Variants in WDR49 observed in about 807,000 individuals in gnomAD.
The protein encoded by WDR49 is cilia- and flagella-associated protein 337.
A neutral mutation model predicts 119.5 loss-of-function variants in WDR49; 107 were observed. The ratio of observed to expected loss-of-function variants is 0.90; its 90% CI spans 0.77 to 1.05. The LOEUF is 1.05. Among genes scored for constraint, WDR49 ranks in the 50% least tolerant of loss-of-function variants. The pLI, the probability that WDR49 is intolerant of heterozygous loss-of-function variation, is 0.00. For synonymous variants in WDR49, 425 were observed against 418.8 expected, an observed-to-expected ratio of 1.01 and a Z score of -0.18; for missense variants, 1,240 against 1,220.5, an observed-to-expected ratio of 1.02 and a Z score of -0.24.
At chr3:167,655,658 G>C (rs1182294221), upstream of WDR49, among the ~76,000 whole-genome samples, 1 of 152,154 alleles carries the variant, frequency 6.6e-6, no homozygotes, top group East Asian at 1.9e-4. Context: ...CATATTTTGG[G>C]AAGCCAAGAC....
chr3:167,545,907 A>C (rs1279361088), intron 10 of WDR49, among the ~76,000 whole-genome samples: 2 of 144,512 alleles, frequency 1.4e-5, no homozygotes, highest in Admixed American at 6.9e-5. Context: ...ATATTAATAT[A>C]TTATTTTAAT....
intron 2 of WDR49, among the ~76,000 whole-genome samples, chr3:167,644,244 A>G (rs893344408): frequency 6.6e-6 from 1 of 152,084 alleles, no homozygotes; most frequent in South Asian, 2.1e-4. Flanking sequence ...ATTACTAGAC[A>G]TACATTTAGA....
intron 10 of WDR49, among the ~76,000 whole-genome samples, chr3:167,549,561 T>C (rs1237375465): frequency 6.6e-6 from 1 of 152,186 alleles, no homozygotes; most frequent in Admixed American, 6.6e-5. Context: ...TCTTGTAAAT[T>C]TGTTTAAGTT....
chr3:167,529,102 A>G lies in WDR49; in HGVS notation c.2356T>C (p.Tyr786His), dbSNP rs368978307. ...CCATCAAGATCTCCTGTGGTAAGGT[A>G]TCGATTCATCTTATCAGTAGACATA... ...IIMSTDKMNR[Y>H]LTTGDLDGWL... is the part of the protein sequence containing the mutation. The change falls in exon 14 of 19, where the codon TAC (tyrosine) becomes CAC (histidine). Residue 786 changes from tyrosine to histidine, a missense_variant. Coordinates refer to ENST00000682715, the MANE Select transcript of WDR49 (RefSeq NM_001366157.1). 3.7e-6 allele frequency: 6 copies of G among 1,606,936 alleles called. No individual in the cohort carries two copies. Among genetic ancestry groups the G allele is most frequent in the Non-Finnish European group, 5.1e-6 (6 of 1,177,912 alleles).
upstream of WDR49, among the ~76,000 whole-genome samples, chr3:167,655,931 A>C (rs1209691392): frequency 6.6e-6 from 1 of 151,956 alleles, no homozygotes; most frequent in East Asian, 1.9e-4. Context: ...CTCTCTATAT[A>C]TATATATGCC....
chr3:167,648,500 C>T (rs769144832), intron 2 of WDR49, among the ~76,000 whole-genome samples: 3 of 152,118 alleles, frequency 2.0e-5, no homozygotes, highest in Non-Finnish European at 4.4e-5. Context: ...TAAGACAGAA[C>T]ACAAAATACA....
In WDR49 at chr3:167,554,682, C is replaced by A. The variant is rs1292399396; in HGVS notation, c.1791G>T (p.Arg597Ser). 2.5e-6 allele frequency: 4 copies of A among 1,605,806 alleles called. No homozygotes were observed. The South Asian group carries it at 4.4e-5, about 18-fold the overall frequency. Residue 597 changes from arginine (R) to serine (S), a missense_variant, in exon 10 of 19, where the codon AGG becomes AGT. Physicochemically the swap from Arg to Ser is moderately radical, Grantham distance 110. Coordinates refer to ENST00000682715, the MANE Select transcript of WDR49 (RefSeq NM_001366157.1). ...TAGTTTTCCATGAGGCATAATCATA[C>A]CTCTCCCAGCCTGTAACCAGTATTT... The part of the protein sequence containing the change: ...KKKILVTGWE[R>S]YDYASWKTIG...
rs770446726 is a variant in WDR49, at chr3:167,533,005, A to G, written c.1955-28T>C. 2.0e-4 allele frequency: 299 copies of G among 1,493,900 alleles called. 2 individuals are homozygous for G. Among genetic ancestry groups the G allele is most frequent in the Non-Finnish European group, 3.1e-5 (34 of 1,099,480 alleles). The allele number at this position is 1,493,900 out of a possible 1,614,324, so 92.5% of individuals were successfully genotyped here. ...ACACAAGACAGGATGGAGAATATAA[A>G]TTGCCAGGAGATTAAGATAGAAAAT... On this transcript the variant is annotated intron_variant, in intron 11 of 18. Transcript: ENST00000682715.
At chr3:167,615,688 A>C (rs753755622) in intron 5 of WDR49, among the ~76,000 whole-genome samples, 6 of 152,198 alleles carry the variant, frequency 3.9e-5, no homozygotes, top group Non-Finnish European at 8.8e-5. Context: ...AAAAGAAAAA[A>C]GGAAGAAGAA....
intron 7 of WDR49, 148 bp downstream of exon 7, chr3:167,601,979 C>T: frequency 9.7e-7 from 1 of 1,025,912 alleles, no homozygotes; most frequent in Non-Finnish European, 1.4e-6. Context: ...AACACCTTTT[C>T]CAAATATAGA....
In WDR49 at chr3:167,529,421, C is replaced by T. The variant is rs140334112; in HGVS notation, c.2219-182G>A. On this transcript the variant is annotated intron_variant, in intron 13 of 18. Coordinates refer to ENST00000682715, the MANE Select transcript of WDR49 (RefSeq NM_001366157.1). ...TGGAGGTGACGCTATGATAACCTCACTGGTTTGTGTTGAGTATTAAATGAG... is the reference window on the plus strand; with the variant it reads ...TGGAGGTGACGCTATGATAACCTCATTGGTTTGTGTTGAGTATTAAATGAG... Among the ~76,000 whole-genome samples, 149 of 152,168 alleles carry T rather than the reference C, an allele frequency of 9.8e-4. 2 individuals are homozygous for T. In the East Asian group the frequency reaches 0.019, roughly 20 times the overall value.
intron 5 of WDR49, among the ~76,000 whole-genome samples, chr3:167,617,180 G>A (rs560331939): frequency 1.3e-5 from 2 of 152,252 alleles, no homozygotes; most frequent in East Asian, 1.9e-4. Flanking sequence ...TTGATGTAAG[G>A]TGAAGTGGCA....
chr3:167,520,098 T>TGTGC (rs1553862267), intron 16 of WDR49, among the ~76,000 whole-genome samples: 3 of 151,470 alleles, frequency 2.0e-5, no homozygotes, highest in African/African-American at 4.9e-5. Context: ...TGTGTGTGTG[T>TGTGC]GCAAACTGGG....
At chr3:167,483,771 G>T (rs1750814881) in intron 18 of WDR49, among the ~76,000 whole-genome samples, 1 of 152,056 alleles carries the variant, frequency 6.6e-6, no homozygotes, top group African/African-American at 2.4e-5. Context: ...CCTTGCTTCT[G>T]CTCTTCACCT....
At chr3:167,530,145 C>T (rs1191745915) in intron 13 of WDR49, among the ~76,000 whole-genome samples, 2 of 152,002 alleles carry the variant, frequency 1.3e-5, no homozygotes, top group Non-Finnish European at 2.9e-5. Flanking sequence ...TTATTCTAAA[C>T]ATCCCAGAAT....
intron 7 of WDR49, among the ~76,000 whole-genome samples, chr3:167,579,558 C>G (rs1418938721): frequency 6.6e-6 from 1 of 152,122 alleles, no homozygotes; most frequent in Non-Finnish European, 1.5e-5. Context: ...TAAACCACAT[C>G]ACCAAACCCT....
At chr3:167,575,692 T>A (rs2108283648) in intron 8 of WDR49, among the ~76,000 whole-genome samples, 1 of 152,354 alleles carries the variant, frequency 6.6e-6, no homozygotes, top group East Asian at 1.9e-4. Flanking sequence ...CTGTAATTCC[T>A]TATAACTCTA....
intron 8 of WDR49, among the ~76,000 whole-genome samples, chr3:167,564,871 T>C (rs1248704820): frequency 6.6e-6 from 1 of 152,198 alleles, no homozygotes; most frequent in Non-Finnish European, 1.5e-5. Flanking sequence ...GGCACTTTAG[T>C]TGTCTTTTAT....
At chr3:167,644,485 C>T (rs1306322096) in intron 2 of WDR49, among the ~76,000 whole-genome samples, 1 of 152,018 alleles carries the variant, frequency 6.6e-6, no homozygotes, top group African/African-American at 2.4e-5. Flanking sequence ...TTTCACTGAA[C>T]ATCAAATCTT....
Sources: allele counts gnomAD v4.1 joint callset (sites outside exome capture counted in the v4.1 genomes callset), GRCh38; gene constraint gnomAD v4.1.1; transcripts MANE v1.5; gene names NCBI Gene and HGNC (gene_info 2026-07-23, HGNC 2026-07-21).